GAD2: variants seen among roughly 807,000 people sequenced by gnomAD.
The protein encoded by GAD2 is glutamate decarboxylase 2, also known as 65 kDa glutamic acid decarboxylase.
A neutral mutation model predicts 80.1 loss-of-function variants in GAD2; 22 were observed. The observed-to-expected ratio is 0.27, with a 90% CI of 0.20 to 0.39. The LOEUF is 0.39. GAD2 is among the 10% of genes least tolerant of loss of function. The pLI is 1.00. For missense variants in GAD2, 624 were observed against 738.4 expected (o/e 0.85, Z 1.80); for synonymous variants, 274 against 256.9 (o/e 1.07, Z -0.64).
chr10:26,265,650 A>T (rs1289420670), intron 8 of GAD2, among the ~76,000 whole-genome samples: 1 of 152,240 alleles, frequency 6.6e-6, no homozygotes, highest in African/African-American at 2.4e-5. Context: ...AGTGTTATAA[A>T]GCATCAGTGG....
rs1057019099 is a variant in GAD2 at position 26,216,982 on chromosome 10, A to G, written c.76+97A>G. The G allele has an allele frequency of 1.0e-4, 109 of 1,071,162 alleles. No homozygotes were observed. Among genetic ancestry groups the G allele is most frequent in the Non-Finnish European group, 1.4e-4 (98 of 719,246 alleles). The allele number at this position is 1,071,162 out of a possible 1,614,324, so 66.4% of individuals were successfully genotyped here. A position where few individuals can be genotyped will look rare whatever the true frequency, so the allele number is the denominator to read the frequency against. ...GACGAAGGAGGTTTTTCCACCTGCA[A>G]CAGGAAACTTCTTCGGGCGCTTCTC... On this transcript the variant is annotated intron_variant, in intron 1 of 15. Transcript: ENST00000376261. The surrounding 1 kb of genome is among the most constrained non-coding windows in gnomAD (Gnocchi z 4.7).
At position 26,292,298 on chromosome 10, in the gene GAD2, G is replaced by C. The variant is rs569681553; in HGVS notation, c.1387-167G>C. 1.4e-3 allele frequency among the ~76,000 whole-genome samples: 208 copies of C among 152,296 alleles called. No homozygotes were observed. In the Middle Eastern group the frequency reaches 0.02, roughly 15 times the overall value. ...GGAACAAAAGCACCTGACGGGGAGA[G>C]CATTGAAGAGAAAATAGCGCTGAAA... On this transcript the variant is annotated intron_variant, in intron 13 of 15. Transcript: ENST00000376261.
At chr10:26,281,556 C>T (rs1302975032) in intron 12 of GAD2, among the ~76,000 whole-genome samples, 3 of 152,154 alleles carry the variant, frequency 2.0e-5, no homozygotes, top group Non-Finnish European at 2.9e-5. Context: ...GATGATTAAT[C>T]TGTAATCTCT....
At chr10:26,225,648 A>T (rs1263309164) in intron 6 of GAD2, among the ~76,000 whole-genome samples, 1 of 152,192 alleles carries the variant, frequency 6.6e-6, no homozygotes, top group Non-Finnish European at 1.5e-5. Context: ...GAAAAGAAAA[A>T]GTGAAAAGAA....
At chr10:26,223,590 T>C (rs1277562058) in intron 4 of GAD2, among the ~76,000 whole-genome samples, 3 of 152,090 alleles carry the variant, frequency 2.0e-5, no homozygotes, top group African/African-American at 7.2e-5. Context: ...ATATTTGTTA[T>C]ATTTATAGGG....
intron 7 of GAD2, among the ~76,000 whole-genome samples, chr10:26,244,381 G>A (rs117225132): frequency 0.015 from 2,262 of 152,316 alleles, 16 homozygotes; most frequent in Non-Finnish European, 0.022. Flanking sequence ...CCACTTCTAA[G>A]TATCTACTCA....
intron 8 of GAD2, among the ~76,000 whole-genome samples, chr10:26,260,630 G>GA (rs1361485332): frequency 2.0e-5 from 3 of 151,838 alleles, no homozygotes; most frequent in African/African-American, 7.3e-5. Context: ...TCCATCTCAA[G>GA]AAAACAAAAA....
intron 13 of GAD2, among the ~76,000 whole-genome samples, chr10:26,287,394 G>T (rs1177040671): frequency 1.3e-5 from 2 of 152,186 alleles, no homozygotes; most frequent in African/African-American, 4.8e-5. Flanking sequence ...TAAGAGAAAA[G>T]ATGTTGATTT....
chr10:26,238,692 A>T (rs1844705170), intron 7 of GAD2, among the ~76,000 whole-genome samples: 1 of 152,214 alleles, frequency 6.6e-6, no homozygotes, highest in Non-Finnish European at 1.5e-5. Context: ...TGTGTCTGGG[A>T]GGTCCCCTCC....
rs1349421382 is a variant in GAD2 at position 26,217,385 on chromosome 10, T to C, written c.77-225T>C. Among the ~76,000 whole-genome samples the C allele has an allele frequency of 6.6e-6, 1 of 152,120 alleles. No homozygotes were observed. Among genetic ancestry groups the C allele is most frequent in the Non-Finnish European group, 1.5e-5 (1 of 68,014 alleles). Reference sequence around the variant, plus strand: ...CACCTGGAAGGGCAGCGGTGTGGGCTTCTCCTCGGGAAACAGATAAAGGAA... The same window carrying C: ...CACCTGGAAGGGCAGCGGTGTGGGCCTCTCCTCGGGAAACAGATAAAGGAA... On this transcript the variant is annotated intron_variant, in intron 1 of 15. Transcript: ENST00000376261. This position sits in a 1 kb window ranked among gnomAD's most constrained non-coding sequence, Gnocchi z 4.9.
intron 8 of GAD2, among the ~76,000 whole-genome samples, chr10:26,252,160 T>C (rs542139689): frequency 5.9e-5 from 9 of 152,284 alleles, no homozygotes; most frequent in Non-Finnish European, 8.8e-5. Context: ...TCAATTCTTG[T>C]AGTTACCCGT....
chr10:26,216,996 C>T lies in GAD2; in HGVS notation c.76+111C>T. On this transcript the variant is annotated intron_variant, in intron 1 of 15. Transcript: ENST00000376261. This position sits in a 1 kb window ranked among gnomAD's most constrained non-coding sequence, Gnocchi z 4.7. ...TTCCACCTGCAACAGGAAACTTCTT[C>T]GGGCGCTTCTCCCTGCTTTTGGGCT... 1.1e-6 allele frequency: 1 copy of T among 911,726 alleles called. No homozygotes were observed. 56.5% of individuals were successfully genotyped at this position (911,726 alleles called of 1,614,324 possible).
At chr10:26,247,921 A>AG (rs1336491359) in intron 8 of GAD2, among the ~76,000 whole-genome samples, 1 of 141,306 alleles carries the variant, frequency 7.1e-6, no homozygotes, top group Non-Finnish European at 1.5e-5. Context: ...AAGGAAAAGA[A>AG]AAAAAAAAAA....
chr10:26,269,547 G>C (rs182021975), intron 9 of GAD2, among the ~76,000 whole-genome samples: 10 of 152,324 alleles, frequency 6.6e-5, no homozygotes, highest in African/African-American at 2.4e-4. Flanking sequence ...AAAGGGGCCA[G>C]TTTTTCCCGT....
intron 10 of GAD2, among the ~76,000 whole-genome samples, chr10:26,270,968 T>C (rs1300625825): frequency 6.6e-6 from 1 of 152,186 alleles, no homozygotes; most frequent in African/African-American, 2.4e-5. Context: ...GATTATACCT[T>C]AATGTCCCCA....
Position 26,292,467 on chromosome 10 carries a change from G to A in GAD2, c.1389G>A (p.Gly463=), listed in dbSNP as rs575617728. 11 of 1,612,832 alleles carry A rather than the reference G, an allele frequency of 6.8e-6. No individual in the cohort carries two copies. Among genetic ancestry groups the A allele is most frequent in the African/African-American group, 6.7e-5 (5 of 74,996 alleles). The change falls in exon 14 of 16, where the codon GGG becomes GGA. Residue 463 remains glycine, a splice_region_variant and synonymous_variant. Transcript: ENST00000376261. ...FKLWLMWRAK[G]TTGFEAHVDK... is the part of the protein sequence containing the mutation. ...AGCTGTGTCCTTCTCTTACCTAGGG[G>A]ACTACCGGGTTTGAAGCGCATGTTG...
chr10:26,290,729 C>T (rs754308877), intron 13 of GAD2, among the ~76,000 whole-genome samples: 6 of 152,222 alleles, frequency 3.9e-5, no homozygotes, highest in Non-Finnish European at 8.8e-5. Context: ...ACCCCAAGAC[C>T]ACATAGAGGC....
intron 4 of GAD2, among the ~76,000 whole-genome samples, chr10:26,220,084 T>C (rs1379719361): frequency 2.0e-5 from 3 of 152,210 alleles, no homozygotes; most frequent in Non-Finnish European, 4.4e-5. Flanking sequence ...TCATGTTATC[T>C]ACACAAAGTC....
chr10:26,300,458 C>A (rs1233357175), intron 15 of GAD2, among the ~76,000 whole-genome samples: 1 of 152,060 alleles, frequency 6.6e-6, no homozygotes, highest in East Asian at 1.9e-4. Flanking sequence ...GGGGAAAATG[C>A]CCCCAAACGT....
Sources: gnomAD v4.1 joint callset for allele counts (sites outside exome capture counted in the v4.1 genomes callset) on GRCh38, gnomAD v4.1.1 for gene constraint, Gnocchi (gnomAD v3.1) non-coding constraint, MANE v1.5 for transcripts, NCBI Gene and HGNC (gene_info 2026-07-23, HGNC 2026-07-21) for gene names.